Variants in R3HDM2 observed in about 807,000 individuals in gnomAD.
R3HDM2 encodes the protein R3H domain containing 2.
In R3HDM2, 38 loss-of-function variants were observed where a neutral mutation model predicts 124.5. The ratio of observed to expected loss-of-function variants is 0.31; its 90% confidence interval spans 0.24 to 0.40. The LOEUF (loss-of-function observed/expected upper bound fraction) is 0.40, where lower values mean the gene tolerates loss of function less well. Among genes scored for constraint, R3HDM2 ranks in the 10% least tolerant of loss-of-function variants. The pLI is 1.00. For missense variants in R3HDM2, 869 were observed against 1,236.9 expected (o/e 0.70, Z 4.46); for synonymous variants, 391 against 448.0 (o/e 0.87, Z 1.61).
At chr12:57,316,446 A>C (rs1362528194) in intron 2 of R3HDM2, among the ~76,000 whole-genome samples, 1 of 152,094 alleles carries the variant, frequency 6.6e-6, no homozygotes. Flanking sequence ...TTTTATTTAA[A>C]ATTTTTTTAA....
chr12:57,320,734 A>T (rs1345498374), intron 2 of R3HDM2, among the ~76,000 whole-genome samples: 1 of 152,210 alleles, frequency 6.6e-6, no homozygotes, highest in African/African-American at 2.4e-5. Context: ...CTGCTAGGGT[A>T]AGTACCTTCC....
chr12:57,351,130 C>T (rs763751202), intron 2 of R3HDM2, among the ~76,000 whole-genome samples: 1 of 151,982 alleles, frequency 6.6e-6, no homozygotes, highest in South Asian at 2.1e-4. Context: ...ACAAAATTAG[C>T]TAGGTGCTCA....
intron 18 of R3HDM2, 133 bp from the exon 19 acceptor site, chr12:57,266,964 C>T (rs905713428): frequency 3.3e-6 from 2 of 604,252 alleles, no homozygotes; most frequent in Admixed American, 3.2e-5. Context: ...GACCAATTTG[C>T]CATGCAATTT....
intron 2 of R3HDM2, among the ~76,000 whole-genome samples, chr12:57,385,111 G>A (rs978644999): frequency 4.0e-5 from 6 of 151,828 alleles, no homozygotes; most frequent in Non-Finnish European, 5.9e-5. Flanking sequence ...ACAAGATCGA[G>A]CCACTGCACT....
chr12:57,264,407 A>T (rs578184319), intron 19 of R3HDM2, among the ~76,000 whole-genome samples: 1 of 149,856 alleles, frequency 6.7e-6, no homozygotes, highest in East Asian at 2.0e-4. Context: ...AAAAAAAAAA[A>T]AAAAAAATAC....
At position 57,254,556 on chromosome 12, in the gene R3HDM2, G is replaced by C. The variant is rs894867866; in HGVS notation, c.*217C>G. 7.5e-6 allele frequency: 4 copies of C among 533,684 alleles called. No homozygotes were observed. In the South Asian group the frequency reaches 1.1e-4, roughly 15 times the overall value. 33.1% of individuals were successfully genotyped at this position (533,684 alleles called of 1,614,324 possible). The stretch of plus-strand genomic sequence containing the variant: ...GATGGGAAGAAGAGTGATGCAAGGG[G>C]GGTCAACCAGGGAAAAAGAGAGGAC... On this transcript the variant is annotated 3_prime_UTR_variant, in exon 24 of 24. Coordinates refer to ENST00000402412, the MANE Select transcript of R3HDM2 (RefSeq NM_001394031.1).
intron 2 of R3HDM2, among the ~76,000 whole-genome samples, chr12:57,328,344 G>A (rs925120206): frequency 1.3e-5 from 2 of 152,048 alleles, no homozygotes; most frequent in African/African-American, 4.8e-5. Flanking sequence ...TTACTGGTGT[G>A]AGCCACCATG....
Position 57,256,032 on chromosome 12 carries a change from C to T in R3HDM2, c.2590G>A (p.Ala864Thr), listed in dbSNP as rs1400617069. Residue 864 changes from alanine (A) to threonine (T), a missense_variant, in exon 23 of 24, where the codon GCA becomes ACA. Physicochemically the swap from Ala to Thr is moderately conservative, Grantham distance 58 (BLOSUM62 0). Around this residue, in one of 2 missense-constraint regions of R3HDM2, gnomAD observed 602 missense variants for 789.2 expected, o/e 0.76. Transcript: ENST00000402412. ...AGGTCAGTGGAGGCAGATTTGAGTG[C>T]TTGTCTCTTGCCCCGGTTTCCATGC... ...LKHGNRGKRQ[A>T]LKSASTDLGT... 1.2e-6 allele frequency: 2 copies of T among 1,614,146 alleles called. No individual in the cohort carries two copies. Among genetic ancestry groups the T allele is most frequent in the East Asian group, 2.2e-5 (1 of 44,888 alleles).
At chr12:57,262,798 C>T (rs986144498) in intron 19 of R3HDM2, among the ~76,000 whole-genome samples, 8 of 152,016 alleles carry the variant, frequency 5.3e-5, no homozygotes, top group Admixed American at 5.2e-4. Context: ...CCTATAAGAT[C>T]GATATGGTGA....
Position 57,254,968 on chromosome 12 carries a change from C to G in R3HDM2, c.2778G>C (p.Gly926=). The G allele has an allele frequency of 6.2e-7, 1 of 1,613,990 alleles. No homozygotes were observed. The highest frequency in any genetic ancestry group is 8.5e-7 in the Non-Finnish European group (1 of 1,179,944). Residue 926 remains glycine (G), a synonymous_variant, in exon 24 of 24, where the codon GGG becomes GGC. Coordinates refer to ENST00000402412, the MANE Select transcript of R3HDM2 (RefSeq NM_001394031.1). ...DAQGLPGGGG[G]DNSGTAENGR... ...CATTCTCAGCAGTCCCACTGTTGTC[C>G]CCCCCACCCCCTCCAGGCAGCCCCT...
intron 2 of R3HDM2, among the ~76,000 whole-genome samples, chr12:57,364,375 C>T (rs1003198873): frequency 3.9e-5 from 6 of 151,998 alleles, no homozygotes; most frequent in Admixed American, 3.3e-4. Context: ...GTGTCAAACT[C>T]CTGACCTGAG....
intron 12 of R3HDM2, among the ~76,000 whole-genome samples, chr12:57,285,491 C>G: frequency 6.6e-6 from 1 of 151,454 alleles, no homozygotes; most frequent in Non-Finnish European, 1.5e-5. Context: ...TTAAATGCTT[C>G]TATGTAGTTA....
intron 23 of R3HDM2, 39 bp from the exon 24 acceptor site, chr12:57,255,152 T>A (rs375697175): frequency 2.6e-6 from 4 of 1,513,816 alleles, no homozygotes; most frequent in Non-Finnish European, 3.6e-6. Flanking sequence ...GTGAGAGGAA[T>A]AGGACAGGAA....
chr12:57,349,978 C>T (rs908071514), intron 2 of R3HDM2, among the ~76,000 whole-genome samples: 2 of 152,166 alleles, frequency 1.3e-5, no homozygotes, highest in South Asian at 4.1e-4. Context: ...TTTGGGAGGC[C>T]GAGGTGGGCA....
chr12:57,297,958 G>T, intron 7 of R3HDM2, 132 bp downstream of exon 7: 2 of 707,464 alleles, frequency 2.8e-6, no homozygotes, highest in East Asian at 2.7e-5. Flanking sequence ...AACTATACCT[G>T]ACAAATACTA....
At chr12:57,377,777 A>G (rs148744796) in intron 2 of R3HDM2, among the ~76,000 whole-genome samples, 77 of 152,104 alleles carry the variant, frequency 5.1e-4, no homozygotes, top group African/African-American at 1.8e-3. Flanking sequence ...TCTTTATCTC[A>G]ATGTAAAATA....
chr12:57,256,350 G>A, intron 22 of R3HDM2, 64 bp downstream of exon 22: 1 of 1,360,798 alleles, frequency 7.3e-7, no homozygotes, highest in Non-Finnish European at 1.0e-6. Flanking sequence ...TTGAAGCTCA[G>A]ACACAGGCAC....
chr12:57,373,618 TG>T (rs1270557751), intron 2 of R3HDM2, among the ~76,000 whole-genome samples: 1 of 151,418 alleles, frequency 6.6e-6, no homozygotes, highest in Non-Finnish European at 1.5e-5. Context: ...GAGACCAGCC[TG>T]AACAACATGG....
chr12:57,362,223 C>T (rs1184434915), intron 2 of R3HDM2, among the ~76,000 whole-genome samples: 1 of 152,202 alleles, frequency 6.6e-6, no homozygotes, highest in Non-Finnish European at 1.5e-5. Context: ...CTCCTCCCGT[C>T]TTCCATCCCT....
Sources: allele counts gnomAD v4.1 joint callset (sites outside exome capture counted in the v4.1 genomes callset), GRCh38; gene constraint gnomAD v4.1.1; regional missense constraint gnomAD v4.1.1; transcripts MANE v1.5; gene names NCBI Gene and HGNC (gene_info 2026-07-23, HGNC 2026-07-21).